The following FCSK variants were observed in gnomAD, a reference collection of about 807,000 sequenced individuals.
FCSK encodes fucose kinase.
Under a neutral mutation model 122.5 loss-of-function variants are expected in FCSK, and 123 were observed. The observed-to-expected ratio is 1.00, with a 90% CI of 0.87 to 1.17. The LOEUF is 1.17. Among genes scored for constraint, FCSK ranks in the 50% most tolerant of loss-of-function variants. The pLI is 0.00. For synonymous variants in FCSK, 620 were observed against 625.5 expected (o/e 0.99, Z 0.13); for missense variants, 1,366 against 1,450.4 (o/e 0.94, Z 0.95).
At chr16:70,459,084 A>G (rs8061431) in intron 1 of FCSK, among the ~76,000 whole-genome samples, 18,257 of 151,940 alleles carry the variant, frequency 0.12, 3,644 homozygotes, top group African/African-American at 0.41. Flanking sequence ...TTAGCTAGGC[A>G]TGGTGGCATG....
rs2048508309 is a variant in FCSK at position 70,468,718 on chromosome 16, G to A, written c.664-131G>A. ...AGCCTGGAGTCTGGCTGCTGGAGTGGTCAGAAGGTGACACTCCCTGCCTGG... is the reference window on the plus strand; with the variant it reads ...AGCCTGGAGTCTGGCTGCTGGAGTGATCAGAAGGTGACACTCCCTGCCTGG... On this transcript the variant is annotated intron_variant, in intron 8 of 23. Coordinates refer to ENST00000288078, the MANE Select transcript of FCSK (RefSeq NM_145059.3). 3 of 1,157,244 alleles carry A rather than the reference G, an allele frequency of 2.6e-6. No homozygotes were observed. The Admixed American group carries it at 6.0e-5, about 23-fold the overall frequency. The allele number at this position is 1,157,244 out of a possible 1,614,324, so 71.7% of individuals were successfully genotyped here.
chr16:70,477,963 G>A (rs565933539), intron 20 of FCSK: 14 of 324,478 alleles, frequency 4.3e-5, no homozygotes, highest in African/African-American at 1.9e-4. Flanking sequence ...GATTACAGGC[G>A]TGTGCCACCG....
At chr16:70,477,149 C>A (rs534704202) in intron 20 of FCSK, among the ~76,000 whole-genome samples, 1 of 152,200 alleles carries the variant, frequency 6.6e-6, no homozygotes, top group African/African-American at 2.4e-5. Context: ...CTATCAAGGG[C>A]CTGTCCCAGA....
chr16:70,470,106 G>A (rs1326936413), intron 10 of FCSK, among the ~76,000 whole-genome samples: 1 of 152,212 alleles, frequency 6.6e-6, no homozygotes, highest in Non-Finnish European at 1.5e-5. Context: ...GCCTCCCAAA[G>A]TGCTGGGATT....
intron 1 of FCSK, among the ~76,000 whole-genome samples, chr16:70,462,670 A>G (rs996662559): frequency 6.6e-6 from 1 of 150,670 alleles, no homozygotes; most frequent in Non-Finnish European, 1.5e-5. Flanking sequence ...TTTGAGACGG[A>G]GTCTCCCTTT....
chr16:70,470,443 C>T lies in FCSK; in HGVS notation c.1068+17C>T, dbSNP rs759949443. Reference sequence around the variant, plus strand: ...CAGGTGGAGGTGAGACCTCCCTGCCCCTCCGGTGCCTGCTGGTTGTCTGGG... The same window carrying T: ...CAGGTGGAGGTGAGACCTCCCTGCCTCTCCGGTGCCTGCTGGTTGTCTGGG... On this transcript the variant is annotated intron_variant, in intron 11 of 23. Transcript: ENST00000288078. 28 of 1,469,554 alleles carry T rather than the reference C, an allele frequency of 1.9e-5. No homozygotes were observed. The Admixed American group carries it at 4.8e-4, about 25-fold the overall frequency. 91.0% of individuals were successfully genotyped at this position (1,469,554 alleles called of 1,614,324 possible).
At chr16:70,466,824 G>C in intron 5 of FCSK, 58 bp from the exon 6 acceptor site, 2 of 1,486,122 alleles carry the variant, frequency 1.3e-6, no homozygotes, top group Admixed American at 1.7e-5. Context: ...GGGCAAGGAG[G>C]GGGCAGGTGA....
At chr16:70,467,004 A>T in intron 6 of FCSK, 50 bp downstream of exon 6, 1 of 1,562,944 alleles carries the variant, frequency 6.4e-7, no homozygotes. Flanking sequence ...AGCCACAGCA[A>T]GAAGCCAGCT....
At chr16:70,454,770 T>A (rs960885512) in intron 1 of FCSK, 140 bp downstream of exon 1, 1 of 151,508 alleles carries the variant, frequency 6.6e-6, no homozygotes, top group Non-Finnish European at 1.5e-5. Flanking sequence ...CAGGGAAGAG[T>A]CCCCGGGAGC....
intron 18 of FCSK, 21 bp downstream of exon 18, chr16:70,475,032 T>A (rs1485439518): frequency 6.4e-7 from 1 of 1,568,538 alleles, no homozygotes; most frequent in African/African-American, 1.4e-5. Flanking sequence ...CTGGGACCTC[T>A]GCAGGTGGGG....
chr16:70,479,832 G>T lies in FCSK; in HGVS notation c.*152G>T. 2 of 609,458 alleles carry T rather than the reference G, an allele frequency of 3.3e-6. No individual in the cohort carries two copies. 37.8% of individuals were successfully genotyped at this position (609,458 alleles called of 1,614,324 possible). ...CCAGAGCAAGATCTGGGCAAGCAGA[G>T]AGTGCCTGGGACAGGACTGTGACCT... On this transcript the variant is annotated 3_prime_UTR_variant, in exon 24 of 24. Transcript: ENST00000288078.
At position 70,473,103 on chromosome 16, in the gene FCSK, G is replaced by T. The variant is rs1378738482; in HGVS notation, c.1527G>T (p.Leu509=). 6.3e-7 allele frequency: 1 copy of T among 1,586,812 alleles called. No homozygotes were observed. Among genetic ancestry groups the T allele is most frequent in the Admixed American group, 1.8e-5 (1 of 56,510 alleles). Reference sequence around the variant, plus strand: ...GACCCCAGGACCTGCTGTGGATGCTGGACCACCAGGAGGATGGGGGCGAGG... The same window carrying T: ...GACCCCAGGACCTGCTGTGGATGCTTGACCACCAGGAGGATGGGGGCGAGG... ...ELGPQDLLWM[L]DHQEDGGEAL... is the part of the protein sequence containing the mutation. The change falls in exon 15 of 24, where the codon CTG becomes CTT. Residue 509 remains leucine (L), a synonymous_variant. Coordinates refer to ENST00000288078, the MANE Select transcript of FCSK (RefSeq NM_145059.3). The surrounding 1 kb of genome is among the most constrained non-coding windows in gnomAD (Gnocchi z 4.9).
chr16:70,464,817 G>A (rs1297054252), intron 3 of FCSK, among the ~76,000 whole-genome samples: 1 of 152,122 alleles, frequency 6.6e-6, no homozygotes, highest in Non-Finnish European at 1.5e-5. Context: ...GACCAAGGCT[G>A]CAGTGAGCTG....
Position 70,479,845 on chromosome 16 carries a change from A to G in FCSK, c.*165A>G, listed in dbSNP as rs1262612533. On this transcript the variant is annotated 3_prime_UTR_variant, in exon 24 of 24. Transcript: ENST00000288078. ...TGGGCAAGCAGAGAGTGCCTGGGAC[A>G]GGACTGTGACCTGGTGGACAGGGGC... 4 of 587,830 alleles carry G rather than the reference A, an allele frequency of 6.8e-6. No individual in the cohort carries two copies. Among genetic ancestry groups the G allele is most frequent in the Middle Eastern group, 4.5e-4 (1 of 2,232 alleles). The allele number at this position is 587,830 out of a possible 1,614,324, so 36.4% of individuals were successfully genotyped here.
intron 1 of FCSK, chr16:70,457,818 A>G (rs2048136313): frequency 6.6e-6 from 1 of 151,298 alleles, no homozygotes; most frequent in African/African-American, 2.4e-5. Flanking sequence ...GCTGGTCTCA[A>G]ACTCCTGGGC....
Position 70,473,365 on chromosome 16 carries a change from G to A in FCSK, c.1777+12G>A. The A allele has an allele frequency of 6.8e-7, 1 of 1,479,670 alleles. No homozygotes were observed. 91.7% of individuals were successfully genotyped at this position (1,479,670 alleles called of 1,614,324 possible). On this transcript the variant is annotated intron_variant, in intron 15 of 23. Coordinates refer to ENST00000288078, the MANE Select transcript of FCSK (RefSeq NM_145059.3). The surrounding 1 kb of genome is among the most constrained non-coding windows in gnomAD (Gnocchi z 4.9). Reference sequence around the variant, plus strand: ...CACGCTGGACCAGGGTGAGTGTGCAGGCTGGTAGTGCTGCAGAATCAGGCC... The same window carrying A: ...CACGCTGGACCAGGGTGAGTGTGCAAGCTGGTAGTGCTGCAGAATCAGGCC...
chr16:70,459,948 CCCA>C (rs1400788800), intron 1 of FCSK, among the ~76,000 whole-genome samples: 6 of 151,708 alleles, frequency 4.0e-5, no homozygotes, highest in African/African-American at 1.5e-4. Flanking sequence ...ATTACAGGTG[CCCA>C]CCACCACATC....
At chr16:70,474,507 C>A (rs1378205920) in intron 16 of FCSK, 21 bp from the exon 17 acceptor site, 5 of 1,546,524 alleles carry the variant, frequency 3.2e-6, no homozygotes, top group African/African-American at 1.4e-5. Context: ...ATGCCACCAT[C>A]CCTCCCCCTT....
intron 4 of FCSK, among the ~76,000 whole-genome samples, chr16:70,465,485 C>G (rs1432821082): frequency 6.6e-6 from 1 of 151,524 alleles, no homozygotes; most frequent in Admixed American, 6.6e-5. Flanking sequence ...ATGGTGAAAC[C>G]TCATCTCTAT....
Sources: allele counts gnomAD v4.1 joint callset (sites outside exome capture counted in the v4.1 genomes callset), GRCh38; gene constraint gnomAD v4.1.1; non-coding constraint Gnocchi (gnomAD v3.1); transcripts MANE v1.5; gene names NCBI Gene and HGNC (gene_info 2026-07-23, HGNC 2026-07-21).